The following PCDH7 variants were observed in gnomAD, a reference collection of about 807,000 sequenced individuals.
PCDH7 encodes the protein protocadherin 7.
A neutral mutation model predicts 58.9 loss-of-function variants in PCDH7; 17 were observed. The ratio of observed to expected loss-of-function variants is 0.29; its 90% CI spans 0.20 to 0.43. The LOEUF is 0.43. Ranked by LOEUF, PCDH7 falls within the 20% of genes least tolerant of loss-of-function variation. PCDH7 has a pLI of 1.00. For synonymous variants in PCDH7, 664 were observed against 616.4 expected (o/e 1.08, Z -1.14); for missense variants, 1,274 against 1,441.0 (o/e 0.88, Z 1.88).
chr4:30,826,568 T>C (rs1272155816), intron 1 of PCDH7, among the ~76,000 whole-genome samples: 1 of 152,032 alleles, frequency 6.6e-6, no homozygotes, highest in Admixed American at 6.6e-5. Flanking sequence ...GGAGGTTTCT[T>C]CTTTGGGGGA....
intron 1 of PCDH7, among the ~76,000 whole-genome samples, chr4:30,780,790 C>G (rs552699101): frequency 6.6e-6 from 1 of 152,024 alleles, no homozygotes; most frequent in Non-Finnish European, 1.5e-5. Flanking sequence ...TTAGTATACT[C>G]GATTCTATTT....
At chr4:31,090,737 G>C (rs549876224) in intron 3 of PCDH7, among the ~76,000 whole-genome samples, 1 of 151,912 alleles carries the variant, frequency 6.6e-6, no homozygotes, top group Non-Finnish European at 1.5e-5. Context: ...AATCTTTGAA[G>C]TTCACAAATT....
intron 3 of PCDH7, among the ~76,000 whole-genome samples, chr4:31,103,581 A>G (rs1455515998): frequency 6.6e-6 from 1 of 151,870 alleles, no homozygotes; most frequent in Non-Finnish European, 1.5e-5. Context: ...CAAGTGATTC[A>G]CCTGCCTCAG....
intron 1 of PCDH7, among the ~76,000 whole-genome samples, chr4:30,725,486 A>T (rs774131764): frequency 6.6e-6 from 1 of 152,188 alleles, no homozygotes; most frequent in African/African-American, 2.4e-5. Flanking sequence ...TAAAAAATAC[A>T]TATATTCTGA....
At chr4:30,984,873 T>A (rs1306779820) in intron 3 of PCDH7, among the ~76,000 whole-genome samples, 1 of 152,188 alleles carries the variant, frequency 6.6e-6, no homozygotes, top group Non-Finnish European at 1.5e-5. Context: ...CCTGAAATTT[T>A]AGTTACATTT....
intron 1 of PCDH7, among the ~76,000 whole-genome samples, chr4:30,809,158 A>G (rs1264093358): frequency 6.6e-6 from 1 of 152,236 alleles, no homozygotes; most frequent in East Asian, 1.9e-4. Flanking sequence ...CGACATAGCT[A>G]TGTAGCTCAT....
intron 1 of PCDH7, among the ~76,000 whole-genome samples, chr4:30,790,853 G>A (rs1014825573): frequency 1.3e-5 from 2 of 151,984 alleles, no homozygotes. Flanking sequence ...AGCCTGGGAG[G>A]TCAAGGCTGC....
At chr4:30,758,527 T>C (rs958672488) in intron 1 of PCDH7, among the ~76,000 whole-genome samples, 1 of 152,232 alleles carries the variant, frequency 6.6e-6, no homozygotes, top group African/African-American at 2.4e-5. Flanking sequence ...TCGAAGGCTC[T>C]TGATATTGTG....
At chr4:30,859,885 GAGAA>G (rs1360647740) in intron 1 of PCDH7, among the ~76,000 whole-genome samples, 1 of 152,152 alleles carries the variant, frequency 6.6e-6, no homozygotes, top group Non-Finnish European at 1.5e-5. Flanking sequence ...TAGGAAGTAA[GAGAA>G]AGAAGTCTCT....
intron 3 of PCDH7, among the ~76,000 whole-genome samples, chr4:31,103,413 C>G (rs1188265940): frequency 6.6e-6 from 1 of 152,076 alleles, no homozygotes; most frequent in East Asian, 1.9e-4. Context: ...GATCTCGGCT[C>G]ACTGCAACCT....
intron 1 of PCDH7, among the ~76,000 whole-genome samples, chr4:30,808,175 C>T: frequency 6.6e-6 from 1 of 152,124 alleles, no homozygotes; most frequent in East Asian, 1.9e-4. Flanking sequence ...AGGTTAAATT[C>T]AAAGATTAAT....
At chr4:30,888,545 A>G (rs538961411) in intron 1 of PCDH7, among the ~76,000 whole-genome samples, 17 of 152,330 alleles carry the variant, frequency 1.1e-4, no homozygotes, top group African/African-American at 4.1e-4. Flanking sequence ...AGAACAAATT[A>G]TTTTATGTAT....
At chr4:30,856,802 AC>A (rs1254875004) in intron 1 of PCDH7, among the ~76,000 whole-genome samples, 1 of 151,952 alleles carries the variant, frequency 6.6e-6, no homozygotes, top group African/African-American at 2.4e-5. Flanking sequence ...TATGCAACCA[AC>A]TAAAAATATG....
At chr4:31,014,511 T>A (rs1333556791) in intron 3 of PCDH7, among the ~76,000 whole-genome samples, 1 of 152,102 alleles carries the variant, frequency 6.6e-6, no homozygotes, top group Non-Finnish European at 1.5e-5. Flanking sequence ...TGGACTGAAC[T>A]GAGCAGAAGG....
At chr4:30,845,489 A>G (rs1207186359) in intron 1 of PCDH7, among the ~76,000 whole-genome samples, 1 of 152,186 alleles carries the variant, frequency 6.6e-6, no homozygotes. Flanking sequence ...ATGGAATTAT[A>G]CCACTTACAT....
At chr4:30,902,856 T>G (rs1237195892) in intron 1 of PCDH7, among the ~76,000 whole-genome samples, 1 of 152,158 alleles carries the variant, frequency 6.6e-6, no homozygotes. Flanking sequence ...CCTCATAGAT[T>G]TGTTTTGCCC....
At chr4:30,770,124 T>C (rs1721215039) in intron 1 of PCDH7, among the ~76,000 whole-genome samples, 1 of 152,188 alleles carries the variant, frequency 6.6e-6, no homozygotes, top group Non-Finnish European at 1.5e-5. Context: ...AAAGGGCAGA[T>C]GACTCAGGTA....
Position 30,930,618 on chromosome 4 carries a change from T to C in PCDH7, c.287+10249T>C, listed in dbSNP as rs140967693. On this transcript the variant is annotated intron_variant, in intron 2 of 3. Coordinates refer to the PCDH7 transcript ENST00000509759. ...TAAGGGAGAAGTAAGTTTCAGCGAA[T>C]GTGACTGTGAAATATATTAAAAACA... Among the ~76,000 whole-genome samples the C allele has an allele frequency of 2.4e-4, 36 of 152,254 alleles. No individual in the cohort carries two copies. In the East Asian group the frequency reaches 6.8e-3, roughly 29 times the overall value.
intron 3 of PCDH7, among the ~76,000 whole-genome samples, chr4:30,959,964 G>T (rs1578417320): frequency 6.6e-6 from 1 of 151,870 alleles, no homozygotes; most frequent in Non-Finnish European, 1.5e-5. Context: ...GTTAAATTTT[G>T]ATAGTCTAAC....
Sources: allele counts gnomAD v4.1 joint callset (sites outside exome capture counted in the v4.1 genomes callset), GRCh38; gene constraint gnomAD v4.1.1; transcripts MANE v1.5; gene names NCBI Gene and HGNC (gene_info 2026-07-23, HGNC 2026-07-21).